Variants in PWWP2A observed in about 807,000 individuals in gnomAD.
PWWP2A encodes the protein PWWP domain containing 2A.
In PWWP2A, 18 loss-of-function variants were observed where a neutral mutation model predicts 48.5. The ratio of observed to expected loss-of-function variants is 0.37; its 90% confidence interval spans 0.26 to 0.55. The LOEUF (loss-of-function observed/expected upper bound fraction) is 0.55. Ranked by LOEUF, PWWP2A falls within the 20% of genes least tolerant of loss-of-function variation. PWWP2A has a pLI of 0.81. For synonymous variants in PWWP2A, 396 were observed against 387.7 expected (o/e 1.02, Z -0.25); for missense variants, 867 against 976.4 (o/e 0.89, Z 1.49).
At chr5:160,111,318 C>T (rs1012073261) in intron 1 of PWWP2A, among the ~76,000 whole-genome samples, 2 of 152,244 alleles carry the variant, frequency 1.3e-5, no homozygotes, top group East Asian at 3.9e-4. Context: ...CAGGCACATG[C>T]CACTACGCCC....
intron 1 of PWWP2A, among the ~76,000 whole-genome samples, chr5:160,118,442 C>CGGAGG (rs1287014436): frequency 1.4e-4 from 20 of 145,138 alleles, no homozygotes; most frequent in Non-Finnish European, 3.0e-4. Context: ...CCCCGTCCAA[C>CGGAGG]ACTCCGTTCT....
chr5:160,090,716 C>T (rs1276544496), downstream of PWWP2A: 17 of 953,354 alleles, frequency 1.8e-5, no homozygotes, highest in African/African-American at 3.5e-5. Flanking sequence ...ATAGTAACTA[C>T]TTCAAATTGG....
chr5:160,062,323 A>G (rs1419858559), intron 5 of PWWP2A, among the ~76,000 whole-genome samples: 1 of 152,186 alleles, frequency 6.6e-6, no homozygotes, highest in East Asian at 1.9e-4. Flanking sequence ...CCTAAAGCCA[A>G]GCCATTGCTG....
At chr5:160,052,967 T>C in the PWWP2A span, among the ~76,000 whole-genome samples, 1 of 152,230 alleles carries the variant, frequency 6.6e-6, no homozygotes, top group African/African-American at 2.4e-5. Context: ...AATGGCTAGA[T>C]TCCTTTTTTC....
intron 1 of PWWP2A, chr5:160,117,857 C>G: frequency 7.1e-6 from 7 of 983,810 alleles, no homozygotes; most frequent in Non-Finnish European, 8.4e-6. Context: ...AGGTGAGATA[C>G]GATCAGAGCG....
At position 160,079,796 on chromosome 5, in the gene PWWP2A, TA is replaced by T. The variant is rs61466450; in HGVS notation, c.1669+854del. On this transcript the variant is annotated intron_variant, in intron 3 of 3. Transcript: ENST00000456329. ...CTATTCCCTCAAGAGATACGCATCT[TA>T]AGGGTAGCTACCACTCCTACGCAGA... Among the ~76,000 whole-genome samples, 1,462 of 152,294 alleles carry T rather than the reference TA, an allele frequency of 9.6e-3. 24 individuals carry two copies. The highest frequency in any genetic ancestry group is 0.033 in the African/African-American group (1,366 of 41,528).
chr5:160,056,526 C>T, the PWWP2A span, among the ~76,000 whole-genome samples: 1 of 152,100 alleles, frequency 6.6e-6, no homozygotes, highest in Non-Finnish European at 1.5e-5. Context: ...GAGTTCAAGA[C>T]CAGCCTAGGC....
At chr5:160,065,002 A>G in intron 4 of PWWP2A, 2 of 1,614,114 alleles carry the variant, frequency 1.2e-6, no homozygotes, top group Non-Finnish European at 1.7e-6. Flanking sequence ...TCCAGATCAA[A>G]CAGGATTCCT....
intron 1 of PWWP2A, among the ~76,000 whole-genome samples, chr5:160,107,223 T>A (rs1756993834): frequency 6.6e-6 from 1 of 152,180 alleles, no homozygotes; most frequent in South Asian, 2.1e-4. Flanking sequence ...CCAAATATGG[T>A]CCAAGAATCT....
At chr5:160,118,527 A>C (rs1000787831) in intron 1 of PWWP2A, among the ~76,000 whole-genome samples, 2 of 152,136 alleles carry the variant, frequency 1.3e-5, no homozygotes, top group Non-Finnish European at 2.9e-5. Flanking sequence ...TCGCAGAAGA[A>C]GACCAGGCGT....
chr5:160,118,734 G>C (rs1758400610), intron 1 of PWWP2A, 71 bp downstream of exon 1: 2 of 1,327,444 alleles, frequency 1.5e-6, no homozygotes, highest in Non-Finnish European at 1.9e-6. Context: ...CTCGGGGAGA[G>C]GGGGCCGCCC....
At chr5:160,061,085 G>A (rs1021848657), downstream of PWWP2A, among the ~76,000 whole-genome samples, 1 of 152,162 alleles carries the variant, frequency 6.6e-6, no homozygotes, top group Non-Finnish European at 1.5e-5. Flanking sequence ...GTAGGCTGAC[G>A]GGCCTGGCTC....
At chr5:160,062,794 G>T (rs1287585544) in intron 5 of PWWP2A, among the ~76,000 whole-genome samples, 1 of 151,774 alleles carries the variant, frequency 6.6e-6, no homozygotes, top group Non-Finnish European at 1.5e-5. Context: ...ATTTTCTTGG[G>T]CTGCTTTTGA....
At chr5:160,045,453 TCCACACAC>T in the PWWP2A span, among the ~76,000 whole-genome samples, 2 of 33,960 alleles carry the variant, frequency 5.9e-5, no homozygotes, top group African/African-American at 2.4e-4. Flanking sequence ...TCCCCCACCC[TCCACACAC>T]ACACACACAC....
At chr5:160,051,032 A>G in the PWWP2A span, 17 of 929,254 alleles carry the variant, frequency 1.8e-5, no homozygotes, top group Non-Finnish European at 2.7e-5. Flanking sequence ...TCTTATTTCC[A>G]CATTAGGATT....
the PWWP2A span, among the ~76,000 whole-genome samples, chr5:160,049,294 A>C: frequency 6.6e-6 from 1 of 152,198 alleles, no homozygotes; most frequent in African/African-American, 2.4e-5. Context: ...CAATAGTATC[A>C]TTGAGGAGCT....
intron 2 of PWWP2A, among the ~76,000 whole-genome samples, chr5:160,070,094 G>A (rs1244556705): frequency 2.6e-5 from 4 of 152,102 alleles, no homozygotes; most frequent in Admixed American, 2.0e-4. Flanking sequence ...TCTGTGTAGA[G>A]TGCACTGTGG....
downstream of PWWP2A, among the ~76,000 whole-genome samples, chr5:160,074,920 G>A (rs935027664): frequency 7.3e-5 from 11 of 150,948 alleles, no homozygotes; most frequent in African/African-American, 1.5e-4. Context: ...ACAACAAAGC[G>A]AGACCTTGTC....
chr5:160,109,775 ATATATAT>A lies in PWWP2A; in HGVS notation c.584+9023_584+9029del, dbSNP rs1170329774. Among the ~76,000 whole-genome samples, 19 of 27,830 alleles carry A rather than the reference ATATATAT, an allele frequency of 6.8e-4. 1 individual carries two copies. The highest frequency in any genetic ancestry group is 1.0e-3 in the Admixed American group (2 of 1,972). The allele number at this position is 27,830 out of a possible 152,430, so 18.3% of individuals were successfully genotyped here. A position where few individuals can be genotyped will look rare whatever the true frequency, so the allele number is the denominator to read the frequency against. Reference sequence around the variant, plus strand: ...CAACTGGGAAAAAAAAAAAAAAAAAATATATATATATATATATATATATATATATATA... The same window carrying A: ...CAACTGGGAAAAAAAAAAAAAAAAAAATATATATATATATATATATATATA... On this transcript the variant is annotated intron_variant, in intron 1 of 1. Transcript: ENST00000307063.
Sources: gnomAD v4.1 joint callset for allele counts (sites outside exome capture counted in the v4.1 genomes callset) on GRCh38, gnomAD v4.1.1 for gene constraint, MANE v1.5 for transcripts, NCBI Gene and HGNC (gene_info 2026-07-23, HGNC 2026-07-21) for gene names.